Variants in MYH13 observed in about 807,000 individuals in gnomAD.
The protein encoded by MYH13 is myosin heavy chain 13.
A neutral mutation model predicts 232.1 loss-of-function variants in MYH13; 177 were observed. The ratio of observed to expected loss-of-function variants is 0.76; its 90% confidence interval spans 0.67 to 0.86. The LOEUF (loss-of-function observed/expected upper bound fraction) is 0.86. Among genes scored for constraint, MYH13 ranks in the 40% least tolerant of loss-of-function variants. The pLI is 0.00. For missense variants in MYH13, 2,246 were observed against 2,405.9 expected, an observed-to-expected ratio of 0.93 and a Z score of 1.39; for synonymous variants, 884 against 923.5, an observed-to-expected ratio of 0.96 and a Z score of 0.78.
chr17:10,328,089 CGGAT>C lies in MYH13; in HGVS notation c.2464_2467del (p.Ile822AlafsTer4). The C allele has an allele frequency of 6.2e-7, 1 of 1,614,012 alleles. No individual in the cohort carries two copies. The highest frequency in any genetic ancestry group is 8.5e-7 in the Non-Finnish European group (1 of 1,179,984). The stretch of plus-strand genomic sequence containing the variant: ...CCAGTGCTTGACGTTCATAAAAGAG[CGGAT>C]GTTGTACTGGATGCAGAAGATGGAG... On this transcript the variant is annotated frameshift_variant, in exon 22 of 41. Transcript: ENST00000252172. LOFTEE classifies it high-confidence loss of function.
intron 3 of MYH13, among the ~76,000 whole-genome samples, chr17:10,362,704 C>T (rs1411585919): frequency 6.6e-6 from 1 of 152,064 alleles, no homozygotes; most frequent in African/African-American, 2.4e-5. Flanking sequence ...ACTATGTAAC[C>T]AATTCTGGTC....
At position 10,362,352 on chromosome 17, in the gene MYH13, A is replaced by G. The variant is rs1226691664; in HGVS notation, c.348+8T>C. The G allele has an allele frequency of 6.2e-7, 1 of 1,614,034 alleles. No individual in the cohort carries two copies. Among genetic ancestry groups the G allele is most frequent in the Non-Finnish European group, 8.5e-7 (1 of 1,180,030 alleles). ...ACATGAAATAAAAAGGTGTTTACAG[A>G]CACTCACGTAGATCATCCAGGCTGC... is the stretch of plus-strand genomic sequence containing the variant. On this transcript the variant is annotated splice_region_variant and intron_variant, in intron 4 of 40. Transcript: ENST00000252172.
At chr17:10,368,000 TA>T in intron 2 of MYH13, among the ~76,000 whole-genome samples, 1 of 152,252 alleles carries the variant, frequency 6.6e-6, no homozygotes, top group East Asian at 1.9e-4. Context: ...TCTGTTACAT[TA>T]TAATCCACTA....
Position 10,362,510 on chromosome 17 carries a change from A to G in MYH13, c.205-7T>C. The stretch of plus-strand genomic sequence containing the variant: ...CATTGTTCAGAGTGAGCATCTGGGT[A>G]TTGAGAGGAAAAGCAGGTAATAAAT... On this transcript the variant is annotated splice_region_variant and splice_polypyrimidine_tract_variant and intron_variant, in intron 3 of 40. Coordinates refer to ENST00000252172, the MANE Select transcript of MYH13 (RefSeq NM_003802.3). 1.2e-6 allele frequency: 2 copies of G among 1,614,068 alleles called. No individual in the cohort carries two copies. Among genetic ancestry groups the G allele is most frequent in the Non-Finnish European group, 1.7e-6 (2 of 1,180,002 alleles).
intron 1 of MYH13, among the ~76,000 whole-genome samples, chr17:10,372,509 C>A (rs1238761972): frequency 6.6e-6 from 1 of 152,224 alleles, no homozygotes; most frequent in African/African-American, 2.4e-5. Context: ...CAGACTATGA[C>A]ACTTTGTAAG....
intron 18 of MYH13, among the ~76,000 whole-genome samples, chr17:10,338,474 G>GATA (rs368809512): frequency 3.3e-5 from 5 of 150,568 alleles, no homozygotes; most frequent in Admixed American, 6.6e-5. Context: ...AGTTCTGAGT[G>GATA]ATAATAATAA....
chr17:10,323,294 C>G (rs1319209590), intron 23 of MYH13, among the ~76,000 whole-genome samples: 1 of 152,220 alleles, frequency 6.6e-6, no homozygotes, highest in African/African-American at 2.4e-5. Flanking sequence ...ACCCGCTCCT[C>G]TCAGTCAATC....
intron 18 of MYH13, among the ~76,000 whole-genome samples, chr17:10,339,704 G>A (rs1455986227): frequency 6.6e-6 from 1 of 152,200 alleles, no homozygotes; most frequent in Non-Finnish European, 1.5e-5. Context: ...ATGCCCTGCT[G>A]AATGTGAATT....
In MYH13 at chr17:10,319,050, C is replaced by T. The variant is rs201696029; in HGVS notation, c.3478G>A (p.Ala1160Thr). 1.3e-4 allele frequency: 212 copies of T among 1,614,054 alleles called. No individual in the cohort carries two copies. The highest frequency in any genetic ancestry group is 2.3e-5 in the Non-Finnish European group (27 of 1,180,050). The part of the protein sequence containing the change: ...ISERLEEASG[A>T]TSAQIEMNKK... ...TTCATCTCAATCTGGGCTGAAGTGG[C>T]CCCACTGGCTTCTTCCAGCCTCTCG... The change falls in exon 27 of 41, where the codon GCC (alanine) becomes ACC (threonine). Residue 1160 changes from alanine (A) to threonine (T), a missense_variant. Coordinates refer to ENST00000252172, the MANE Select transcript of MYH13 (RefSeq NM_003802.3).
At chr17:10,367,403 T>C (rs759763814) in intron 2 of MYH13, among the ~76,000 whole-genome samples, 1 of 152,186 alleles carries the variant, frequency 6.6e-6, no homozygotes, top group African/African-American at 2.4e-5. Context: ...GGCTAGAGTA[T>C]AGTGGCGCAA....
At position 10,313,211 on chromosome 17, in the gene MYH13, C is replaced by T. The variant is rs377027999; in HGVS notation, c.4128G>A (p.Arg1376=). Reference sequence around the variant, plus strand: ...GAATGGCGTCCGTCTCGTATTTGGTCCTCCACTGGGCAACCTCACTGTTGG... The same window carrying T: ...GAATGGCGTCCGTCTCGTATTTGGTTCTCCACTGGGCAACCTCACTGTTGG... ...SKANSEVAQW[R]TKYETDAIQR... is the part of the protein sequence containing the mutation. Residue 1376 remains arginine (R), a synonymous_variant, in exon 30 of 41, where the codon AGG becomes AGA. Coordinates refer to ENST00000252172, the MANE Select transcript of MYH13 (RefSeq NM_003802.3). 5.9e-5 allele frequency: 95 copies of T among 1,614,204 alleles called. No individual in the cohort carries two copies. The highest frequency in any genetic ancestry group is 3.3e-4 in the East Asian group (15 of 44,876).
intron 21 of MYH13, among the ~76,000 whole-genome samples, chr17:10,329,391 T>C (rs1039337856): frequency 6.6e-6 from 1 of 152,242 alleles, no homozygotes; most frequent in Admixed American, 6.5e-5. Flanking sequence ...CCATCAACTA[T>C]GTCCTACTTC....
chr17:10,315,195 G>A (rs750718048), intron 29 of MYH13, among the ~76,000 whole-genome samples: 2 of 152,306 alleles, frequency 1.3e-5, no homozygotes, highest in South Asian at 2.1e-4. Flanking sequence ...CCATAGGTAC[G>A]GTTTTCTATT....
chr17:10,330,267 G>A (rs1467202296), intron 21 of MYH13, 120 bp downstream of exon 21: 2 of 1,404,122 alleles, frequency 1.4e-6, no homozygotes, highest in African/African-American at 2.9e-5. Flanking sequence ...AGTAGATGTG[G>A]GTTAAACAAA....
In MYH13 at chr17:10,327,846, C is replaced by A; in HGVS notation, c.2691+20G>T. The A allele has an allele frequency of 6.2e-7, 1 of 1,600,156 alleles. No individual in the cohort carries two copies. The highest frequency in any genetic ancestry group is 8.5e-7 in the Non-Finnish European group (1 of 1,176,606). ...TCCTCCAGAGTCTGTGTTTTGCGTT[C>A]TCAAGTAGAAGGTACTTACAGACTG... On this transcript the variant is annotated intron_variant, in intron 22 of 40. Transcript: ENST00000252172.
intron 25 of MYH13, 41 bp downstream of exon 25, chr17:10,320,310 C>G: frequency 6.2e-7 from 1 of 1,608,654 alleles, no homozygotes; most frequent in Non-Finnish European, 8.5e-7. Context: ...TGAAAGTTGG[C>G]TTTTAGGCTG....
chr17:10,308,988 C>G lies in MYH13; in HGVS notation c.5169+246G>C, dbSNP rs148823162. ...ATTAATCCTTCGTTGCTCTGATTTC[C>G]CCACAACGTGCAAGATGTTTAATGT... On this transcript the variant is annotated intron_variant, in intron 35 of 40. Transcript: ENST00000252172. Among the ~76,000 whole-genome samples the G allele has an allele frequency of 2.8e-3, 425 of 152,342 alleles. 3 individuals carry two copies. The highest frequency in any genetic ancestry group is 9.5e-3 in the African/African-American group (397 of 41,574).
intron 40 of MYH13, 119 bp from the exon 41 acceptor site, chr17:10,301,084 C>T (rs76865302): frequency 0.048 from 43,848 of 921,096 alleles, 1,307 homozygotes; most frequent in Non-Finnish European, 0.06. Context: ...TAAGGAATGG[C>T]GTTGTTTCCC....
At chr17:10,345,706 A>C (rs1326471344) in intron 13 of MYH13, 90 bp from the exon 14 acceptor site, 3 of 1,607,116 alleles carry the variant, frequency 1.9e-6, no homozygotes, top group Non-Finnish European at 2.6e-6. Context: ...GAAAATCAAA[A>C]GCTGTTGGCT....
Sources: allele counts gnomAD v4.1 joint callset (sites outside exome capture counted in the v4.1 genomes callset), GRCh38; gene constraint gnomAD v4.1.1; transcripts MANE v1.5; gene names NCBI Gene and HGNC (gene_info 2026-07-23, HGNC 2026-07-21).